KCNMA1: variants seen among roughly 807,000 people sequenced by gnomAD.
KCNMA1 encodes potassium calcium-activated channel subfamily M alpha 1, also known as Calcium-activated potassium channel subunit alpha-1.
A neutral mutation model predicts 140.0 loss-of-function variants in KCNMA1; 29 were observed. The ratio of observed to expected loss-of-function variants is 0.21; its 90% CI spans 0.15 to 0.28. The LOEUF (loss-of-function observed/expected upper bound fraction) is 0.28. KCNMA1 is among the 10% of genes least tolerant of loss of function. The pLI is 1.00. For missense variants in KCNMA1, 880 were observed against 1,602.2 expected (o/e 0.55, Z 7.70); for synonymous variants, 612 against 611.9 (o/e 1.00, Z 0.00).
chr10:77,186,113 A>T (rs2154130239), intron 3 of KCNMA1, among the ~76,000 whole-genome samples: 1 of 152,298 alleles, frequency 6.6e-6, no homozygotes, highest in Middle Eastern at 3.4e-3. Context: ...TGGCTGTTCA[A>T]CAGGCAGGAA....
At position 77,183,458 on chromosome 10, in the gene KCNMA1, G is replaced by A. The variant is rs367642241; in HGVS notation, c.771C>T (p.Pro257=). ...NSVVDFFTVP[P]VFVSVYLNRS... is the part of the protein sequence containing the mutation. Reference sequence around the variant, plus strand: ...TGTTTAAGTACACAGACACAAACACGGGGGGCACCGTGAAGAAATCCACTA... The same window carrying A: ...TGTTTAAGTACACAGACACAAACACAGGGGGCACCGTGAAGAAATCCACTA... The change falls in exon 5 of 28, where the codon CCC becomes CCT. Residue 257 remains proline (P), a synonymous_variant. Coordinates refer to ENST00000286628, the MANE Select transcript of KCNMA1 (RefSeq NM_001161352.2). The A allele has an allele frequency of 3.7e-5, 59 of 1,613,504 alleles. No individual in the cohort carries two copies. The Admixed American group carries it at 6.7e-4, about 18-fold the overall frequency.
At chr10:77,547,582 A>G (rs528592468) in intron 1 of KCNMA1, among the ~76,000 whole-genome samples, 1 of 152,340 alleles carries the variant, frequency 6.6e-6, no homozygotes, top group Admixed American at 6.5e-5. Flanking sequence ...TTGGGGTGAA[A>G]GCCTGCTTTT....
chr10:77,331,748 G>A (rs544302054), intron 2 of KCNMA1, among the ~76,000 whole-genome samples: 3 of 151,986 alleles, frequency 2.0e-5, no homozygotes, highest in African/African-American at 2.4e-5. Context: ...CCGGGAGGTC[G>A]AGGCTGCAGG....
intron 27 of KCNMA1, chr10:76,888,278 G>A (rs2038174640): frequency 6.6e-6 from 1 of 152,414 alleles, no homozygotes; most frequent in Non-Finnish European, 1.5e-5. Flanking sequence ...AACAAGCTCT[G>A]CAGGTGAGTC....
chr10:76,889,969 G>A (rs912468384), intron 26 of KCNMA1, among the ~76,000 whole-genome samples: 8 of 152,280 alleles, frequency 5.3e-5, no homozygotes, highest in African/African-American at 1.9e-4. Context: ...AGCTGTAACC[G>A]CTGTGATAGG....
intron 1 of KCNMA1, among the ~76,000 whole-genome samples, chr10:77,628,811 T>G (rs545603153): frequency 6.6e-6 from 1 of 152,170 alleles, no homozygotes; most frequent in African/African-American, 2.4e-5. Flanking sequence ...GAAACCAAAA[T>G]TAAACAGCAC....
intron 1 of KCNMA1, among the ~76,000 whole-genome samples, chr10:77,465,249 A>C (rs1316837650): frequency 6.6e-6 from 1 of 152,172 alleles, no homozygotes; most frequent in Non-Finnish European, 1.5e-5. Flanking sequence ...TGGGAAGGAC[A>C]CTTAAGGCTG....
chr10:76,881,363 C>T (rs2034597226), downstream of KCNMA1, among the ~76,000 whole-genome samples: 1 of 152,146 alleles, frequency 6.6e-6, no homozygotes, highest in African/African-American at 2.4e-5. Flanking sequence ...ATAAATGAAG[C>T]CAGTACCCTT....
chr10:77,288,418 A>G (rs1015661137), intron 2 of KCNMA1, among the ~76,000 whole-genome samples: 4 of 152,228 alleles, frequency 2.6e-5, no homozygotes, highest in Admixed American at 6.5e-5. Context: ...GCAGTTCTCA[A>G]TCTGAATGTG....
At chr10:77,240,791 T>C (rs540064280) in intron 3 of KCNMA1, among the ~76,000 whole-genome samples, 11 of 152,204 alleles carry the variant, frequency 7.2e-5, no homozygotes, top group Non-Finnish European at 1.3e-4. Flanking sequence ...CCTCACCAGA[T>C]CCGCCTCACT....
At chr10:76,995,648 G>C (rs1175535605) in intron 19 of KCNMA1, 4 of 470,912 alleles carry the variant, frequency 8.5e-6, no homozygotes, top group Admixed American at 2.3e-5. Flanking sequence ...ATGGAGGTAA[G>C]AGGAAGCATT....
intron 10 of KCNMA1, among the ~76,000 whole-genome samples, chr10:77,089,867 CTGTT>C (rs1231085762): frequency 6.6e-6 from 1 of 152,166 alleles, no homozygotes; most frequent in Non-Finnish European, 1.5e-5. Context: ...TATTTTTACT[CTGTT>C]TGTGGAGTAA....
intron 16 of KCNMA1, among the ~76,000 whole-genome samples, chr10:77,027,552 T>C (rs569574947): frequency 2.0e-5 from 3 of 152,258 alleles, no homozygotes; most frequent in African/African-American, 7.2e-5. Flanking sequence ...GTCGGCATGA[T>C]CAGGTGGAGA....
At chr10:76,973,453 T>A (rs1448764108) in intron 19 of KCNMA1, among the ~76,000 whole-genome samples, 7 of 152,246 alleles carry the variant, frequency 4.6e-5, no homozygotes, top group Non-Finnish European at 7.3e-5. Context: ...CAGGCAAGTC[T>A]AATGAGGCTT....
chr10:77,357,389 T>C (rs1204100930), intron 2 of KCNMA1, among the ~76,000 whole-genome samples: 1 of 152,202 alleles, frequency 6.6e-6, no homozygotes, highest in African/African-American at 2.4e-5. Flanking sequence ...GAGAATAACA[T>C]AGTCAAATCT....
At chr10:77,115,322 T>C (rs2097430967) in intron 6 of KCNMA1, among the ~76,000 whole-genome samples, 1 of 152,254 alleles carries the variant, frequency 6.6e-6, no homozygotes, top group South Asian at 2.1e-4. Context: ...TACCAGATTA[T>C]AATAATTGCC....
At chr10:77,550,645 G>A (rs1010177977) in intron 1 of KCNMA1, among the ~76,000 whole-genome samples, 1 of 152,316 alleles carries the variant, frequency 6.6e-6, no homozygotes, top group East Asian at 1.9e-4. Context: ...GAACCAGGCC[G>A]CGTCTGGGCA....
At chr10:77,627,426 A>G (rs2092672009) in intron 1 of KCNMA1, among the ~76,000 whole-genome samples, 1 of 152,184 alleles carries the variant, frequency 6.6e-6, no homozygotes. Context: ...TGCTGACAAG[A>G]CCGAAGAGAC....
chr10:76,940,602 G>A (rs538656954), intron 23 of KCNMA1, among the ~76,000 whole-genome samples: 1 of 152,256 alleles, frequency 6.6e-6, no homozygotes, highest in South Asian at 2.1e-4. Flanking sequence ...AAGGACCATA[G>A]AATACATAAG....
Sources: allele counts gnomAD v4.1 joint callset (sites outside exome capture counted in the v4.1 genomes callset), GRCh38; gene constraint gnomAD v4.1.1; transcripts MANE v1.5; gene names NCBI Gene and HGNC (gene_info 2026-07-23, HGNC 2026-07-21).